The following CACNA2D1 variants were observed in gnomAD, a reference collection of about 807,000 sequenced individuals.
CACNA2D1 encodes the protein calcium voltage-gated channel auxiliary subunit alpha2delta 1, also known as voltage-dependent calcium channel subunit alpha-2/delta-1.
CACNA2D1 carries 53 observed loss-of-function variants against 171.5 expected under a neutral mutation model. That is an observed-to-expected ratio of 0.31 (90% CI 0.25 to 0.39). The LOEUF (loss-of-function observed/expected upper bound fraction) is 0.39. Among genes scored for constraint, CACNA2D1 ranks in the 10% least tolerant of loss-of-function variants. The pLI is 1.00. For missense variants in CACNA2D1, 903 were observed against 1,299.8 expected (o/e 0.69, Z 4.69); for synonymous variants, 442 against 443.1 (o/e 1.00, Z 0.03).
intron 1 of CACNA2D1, among the ~76,000 whole-genome samples, chr7:82,401,823 C>T (rs1826460463): frequency 6.6e-6 from 1 of 152,038 alleles, no homozygotes. Context: ...AGTTTCCATC[C>T]TAGTAAAACA....
chr7:82,112,107 A>T (rs188878055), intron 6 of CACNA2D1, among the ~76,000 whole-genome samples: 8 of 152,276 alleles, frequency 5.3e-5, no homozygotes, highest in Admixed American at 5.2e-4. Flanking sequence ...ATTTTTCATT[A>T]ACTTTTAAAA....
intron 1 of CACNA2D1, among the ~76,000 whole-genome samples, chr7:82,430,417 C>CA (rs3054724): frequency 0.076 from 9,779 of 129,322 alleles, 1,250 homozygotes; most frequent in African/African-American, 0.26. Flanking sequence ...GACTCCATCT[C>CA]AAAAAAAAAA....
At chr7:81,951,130 G>C (rs1173580316) in intron 38 of CACNA2D1, among the ~76,000 whole-genome samples, 3 of 151,982 alleles carry the variant, frequency 2.0e-5, no homozygotes, top group Non-Finnish European at 4.4e-5. Flanking sequence ...CCAAAATAGA[G>C]AGCTAAGCTA....
intron 1 of CACNA2D1, among the ~76,000 whole-genome samples, chr7:82,398,395 T>C (rs1825969083): frequency 6.6e-6 from 1 of 152,246 alleles, no homozygotes; most frequent in African/African-American, 2.4e-5. Context: ...ATGAGTTTTA[T>C]CTTTGAAATT....
intron 10 of CACNA2D1, among the ~76,000 whole-genome samples, chr7:82,038,917 C>T (rs537054457): frequency 2.6e-5 from 4 of 152,192 alleles, no homozygotes; most frequent in Admixed American, 6.5e-5. Context: ...AATTTAAGAA[C>T]GATCATCAAA....
At chr7:82,051,266 C>G (rs143892183) in intron 10 of CACNA2D1, among the ~76,000 whole-genome samples, 1 of 152,128 alleles carries the variant, frequency 6.6e-6, no homozygotes, top group Admixed American at 6.5e-5. Flanking sequence ...GGAAAAGCTT[C>G]CAGCTGGGAA....
chr7:82,076,175 C>T (rs2237509), intron 7 of CACNA2D1, among the ~76,000 whole-genome samples: 56,073 of 151,578 alleles, frequency 0.37, 10,854 homozygotes, highest in Non-Finnish European at 0.43. Flanking sequence ...CAAAATGCAA[C>T]AAAAATGCTA....
At position 82,381,817 on chromosome 7, in the gene CACNA2D1, T is replaced by C. The variant is rs918797002; in HGVS notation, c.96-32168A>G. On this transcript the variant is annotated intron_variant, in intron 1 of 38. Transcript: ENST00000356860. ...ATAAAATTCTCAGGTCAATTTTTAA[T>C]AGCTATGTAACATCCATGGTCTACA... Among the ~76,000 whole-genome samples the C allele has an allele frequency of 7.9e-5, 12 of 152,340 alleles. No individual in the cohort carries two copies. The East Asian group carries it at 1.7e-3, about 22-fold the overall frequency.
intron 5 of CACNA2D1, among the ~76,000 whole-genome samples, chr7:82,126,637 C>T (rs1385855731): frequency 6.6e-6 from 1 of 152,144 alleles, no homozygotes; most frequent in Non-Finnish European, 1.5e-5. Flanking sequence ...AAGCTTGAAA[C>T]TTGTATTTAT....
intron 3 of CACNA2D1, among the ~76,000 whole-genome samples, chr7:82,182,722 T>A (rs369348568): frequency 1.3e-4 from 20 of 152,224 alleles, no homozygotes; most frequent in African/African-American, 4.8e-4. Context: ...AGCTTGCATA[T>A]GCATATATGA....
At chr7:82,177,068 ATTTTTT>A (rs1181991934) in intron 3 of CACNA2D1, among the ~76,000 whole-genome samples, 4 of 55,232 alleles carry the variant, frequency 7.2e-5, no homozygotes, top group Admixed American at 3.5e-4. Context: ...ACAGGTCTCT[ATTTTTT>A]TTTTTTTTTT....
intron 23 of CACNA2D1, among the ~76,000 whole-genome samples, chr7:81,983,031 A>T (rs1796597026): frequency 6.6e-6 from 1 of 152,188 alleles, no homozygotes; most frequent in African/African-American, 2.4e-5. Flanking sequence ...TAATGCCTTT[A>T]GTGAGTTAAT....
At chr7:82,228,869 A>C (rs983670479) in intron 3 of CACNA2D1, among the ~76,000 whole-genome samples, 1 of 152,068 alleles carries the variant, frequency 6.6e-6, no homozygotes, top group South Asian at 2.1e-4. Flanking sequence ...GCCCCACTCC[A>C]TATCAATCAT....
chr7:82,120,451 G>C (rs1393364801), intron 5 of CACNA2D1, among the ~76,000 whole-genome samples: 1 of 152,082 alleles, frequency 6.6e-6, no homozygotes, highest in African/African-American at 2.4e-5. Context: ...TATGCCTTAA[G>C]GCATGGCATC....
chr7:82,029,260 ATAGAG>A (rs1290691090), intron 12 of CACNA2D1: 4 of 151,832 alleles, frequency 2.6e-5, no homozygotes, highest in African/African-American at 4.8e-5. Context: ...GAATTAAAGA[ATAGAG>A]TATTCTTTAA....
At chr7:81,995,782 GA>G (rs1207345702) in intron 19 of CACNA2D1, among the ~76,000 whole-genome samples, 6 of 132,946 alleles carry the variant, frequency 4.5e-5, no homozygotes, top group African/African-American at 1.9e-4. Context: ...CTGGGCGACA[GA>G]GCGAGACTCC....
chr7:82,166,645 C>T (rs1304016876), intron 4 of CACNA2D1, among the ~76,000 whole-genome samples: 1 of 151,874 alleles, frequency 6.6e-6, no homozygotes, highest in Non-Finnish European at 1.5e-5. Context: ...TTTTTTGCTT[C>T]TCCCACCTGC....
chr7:82,243,028 G>T (rs1297454439), intron 3 of CACNA2D1, among the ~76,000 whole-genome samples: 1 of 151,904 alleles, frequency 6.6e-6, no homozygotes, highest in South Asian at 2.1e-4. Flanking sequence ...TTTCAACTCT[G>T]GACAGTTTAT....
At chr7:82,185,112 C>G (rs919806946) in intron 3 of CACNA2D1, among the ~76,000 whole-genome samples, 8 of 152,228 alleles carry the variant, frequency 5.3e-5, no homozygotes, top group Non-Finnish European at 7.4e-5. Flanking sequence ...AGGAGACAAA[C>G]TATGAATAGG....
Sources: gnomAD v4.1 joint callset for allele counts (sites outside exome capture counted in the v4.1 genomes callset) on GRCh38, gnomAD v4.1.1 for gene constraint, MANE v1.5 for transcripts, NCBI Gene and HGNC (gene_info 2026-07-23, HGNC 2026-07-21) for gene names.